The following SYT10 variants were observed in gnomAD, a reference collection of about 807,000 sequenced individuals.
The protein encoded by SYT10 is synaptotagmin-10.
SYT10 carries 31 observed loss-of-function variants against 51.1 expected under a neutral mutation model. That is an observed-to-expected ratio of 0.61 (90% CI 0.46 to 0.82). The LOEUF (loss-of-function observed/expected upper bound fraction) is 0.82. Among genes scored for constraint, SYT10 ranks in the 40% least tolerant of loss-of-function variants. SYT10 has a pLI of 0.00. For synonymous variants in SYT10, 233 were observed against 225.9 expected (o/e 1.03, Z -0.28); for missense variants, 603 against 634.0 (o/e 0.95, Z 0.53).
chr12:33,388,300 T>C (rs1475430637), intron 3 of SYT10, among the ~76,000 whole-genome samples: 1 of 152,202 alleles, frequency 6.6e-6, no homozygotes, highest in Non-Finnish European at 1.5e-5. Flanking sequence ...ATATCCTATA[T>C]GTTCTGTTCA....
At chr12:33,434,326 T>A (rs375629542) in intron 1 of SYT10, among the ~76,000 whole-genome samples, 1 of 152,208 alleles carries the variant, frequency 6.6e-6, no homozygotes, top group East Asian at 1.9e-4. Context: ...GCTATTATCA[T>A]AAACTAGATA....
chr12:33,436,692 G>A (rs2138443983), intron 1 of SYT10, among the ~76,000 whole-genome samples: 1 of 152,262 alleles, frequency 6.6e-6, no homozygotes, highest in East Asian at 1.9e-4. Context: ...TACATGATTT[G>A]TAGCTCCCTT....
In SYT10 at chr12:33,403,789, A is replaced by ATT. The variant is rs5797533; in HGVS notation, c.1077+2998_1077+2999dup. On this transcript the variant is annotated intron_variant, in intron 3 of 6. Transcript: ENST00000228567. ...TCTTAATGAAATTTCCACATACATC[A>ATT]TTTTTTTTTTATTTTTACTAATAAG... Among the ~76,000 whole-genome samples, 307 of 150,146 alleles carry ATT rather than the reference A, an allele frequency of 2.0e-3. 2 individuals are homozygous for ATT. Among genetic ancestry groups the ATT allele is most frequent in the African/African-American group, 6.8e-3 (278 of 41,094 alleles).
intron 1 of SYT10, among the ~76,000 whole-genome samples, chr12:33,431,386 A>G (rs1291232082): frequency 6.6e-6 from 1 of 152,178 alleles, no homozygotes; most frequent in Admixed American, 6.5e-5. Flanking sequence ...ACTGGGAAGC[A>G]ACTAGTAGTC....
rs2138415269 is a variant in SYT10, at chr12:33,407,038, A to G, written c.828T>C (p.Leu276=). Residue 276 remains leucine (L), a synonymous_variant, in exon 3 of 7, where the codon CTT becomes CTC. Transcript: ENST00000228567. ...TSDPYVKMYL[L]PDRKKKFQTR... ...TCTGAAATTTCTTTTTCCTATCTGG[A>G]AGAAGATACATCTTCACATAAGGGT... 3 of 1,614,168 alleles carry G rather than the reference A, an allele frequency of 1.9e-6. No individual in the cohort carries two copies. The South Asian group carries it at 3.3e-5, about 18-fold the overall frequency.
chr12:33,398,375 T>G (rs910297242), intron 3 of SYT10, among the ~76,000 whole-genome samples: 4 of 151,458 alleles, frequency 2.6e-5, no homozygotes, highest in African/African-American at 9.7e-5. Context: ...TAGCCGAGCG[T>G]GGTGGTGGGC....
chr12:33,387,431 T>G (rs2138390337), intron 3 of SYT10, among the ~76,000 whole-genome samples: 1 of 152,264 alleles, frequency 6.6e-6, no homozygotes, highest in South Asian at 2.1e-4. Flanking sequence ...TTATACAGGG[T>G]TTGGCATGTG....
At chr12:33,403,669 T>C in intron 3 of SYT10, among the ~76,000 whole-genome samples, 1 of 152,230 alleles carries the variant, frequency 6.6e-6, no homozygotes, top group East Asian at 1.9e-4. Flanking sequence ...TTTCTTTTTA[T>C]TTATTTCCTC....
chr12:33,426,674 A>C (rs1245178834), intron 1 of SYT10, among the ~76,000 whole-genome samples, 179 bp from the exon 2 acceptor site: 2 of 152,234 alleles, frequency 1.3e-5, no homozygotes, highest in African/African-American at 4.8e-5. Context: ...TTCTCAAAGG[A>C]GGTACTTGAA....
chr12:33,422,704 C>T (rs1469490947), intron 2 of SYT10, among the ~76,000 whole-genome samples: 1 of 151,864 alleles, frequency 6.6e-6, no homozygotes, highest in Non-Finnish European at 1.5e-5. Flanking sequence ...CATCCTCTCC[C>T]AATTGCCACT....
At chr12:33,412,067 A>G (rs1395859427) in intron 2 of SYT10, among the ~76,000 whole-genome samples, 1 of 152,056 alleles carries the variant, frequency 6.6e-6, no homozygotes, top group Non-Finnish European at 1.5e-5. Context: ...GATTTTTGGG[A>G]GCAAAACCCC....
intron 1 of SYT10, among the ~76,000 whole-genome samples, chr12:33,438,846 G>C (rs1866658738): frequency 6.6e-6 from 1 of 152,226 alleles, no homozygotes. Flanking sequence ...TTGCAGCCGC[G>C]GGTTACCTCG....
intron 6 of SYT10, among the ~76,000 whole-genome samples, chr12:33,378,246 G>C (rs1324706586): frequency 6.6e-6 from 1 of 152,068 alleles, no homozygotes; most frequent in Non-Finnish European, 1.5e-5. Flanking sequence ...TGTATATTCA[G>C]TTACGACAAA....
intron 2 of SYT10, among the ~76,000 whole-genome samples, chr12:33,419,554 G>T (rs1866482847): frequency 6.6e-6 from 1 of 152,038 alleles, no homozygotes; most frequent in African/African-American, 2.4e-5. Context: ...TAAATTTAAT[G>T]AAATAAATGT....
At chr12:33,435,258 C>T (rs185876884) in intron 1 of SYT10, among the ~76,000 whole-genome samples, 7 of 152,092 alleles carry the variant, frequency 4.6e-5, no homozygotes, top group Admixed American at 4.6e-4. Flanking sequence ...TAATTTGTCA[C>T]AAAGGAAAAA....
chr12:33,377,790 G>A (rs12578932), intron 6 of SYT10, among the ~76,000 whole-genome samples: 12,171 of 151,570 alleles, frequency 0.08, 1,252 homozygotes, highest in East Asian at 0.55. Context: ...ACCAAGCCCG[G>A]CTAATTTTTG....
chr12:33,404,336 T>C (rs1866333040), intron 3 of SYT10, among the ~76,000 whole-genome samples: 1 of 152,184 alleles, frequency 6.6e-6, no homozygotes, highest in African/African-American at 2.4e-5. Context: ...AATGCAGCCC[T>C]GTCAACCACA....
chr12:33,383,592 G>A (rs1391644993), intron 4 of SYT10, among the ~76,000 whole-genome samples: 2 of 152,150 alleles, frequency 1.3e-5, no homozygotes, highest in African/African-American at 2.4e-5. Context: ...TATGAAGTAT[G>A]TCCTAAGGAG....
chr12:33,439,242 G>T, intron 1 of SYT10, 130 bp downstream of exon 1: 2 of 1,197,560 alleles, frequency 1.7e-6, no homozygotes, highest in South Asian at 1.5e-5. Context: ...AGGAAGGAGC[G>T]AGGTAGGAAA....
Sources: gnomAD v4.1 joint callset for allele counts (sites outside exome capture counted in the v4.1 genomes callset) on GRCh38, gnomAD v4.1.1 for gene constraint, MANE v1.5 for transcripts, NCBI Gene and HGNC (gene_info 2026-07-23, HGNC 2026-07-21) for gene names.